Variants in KCNT2 observed in about 807,000 individuals in gnomAD.
KCNT2 encodes potassium sodium-activated channel subfamily T member 2.
In KCNT2, 67 loss-of-function variants were observed where a neutral mutation model predicts 153.8. The observed-to-expected ratio is 0.44, with a 90% CI of 0.36 to 0.53. The LOEUF is 0.53. Among genes scored for constraint, KCNT2 ranks in the 20% least tolerant of loss-of-function variants. KCNT2 has a pLI of 0.00. For missense variants in KCNT2, 975 were observed against 1,354.8 expected, an observed-to-expected ratio of 0.72 and a Z score of 4.40; for synonymous variants, 500 against 458.8, an observed-to-expected ratio of 1.09 and a Z score of -1.15.
intron 14 of KCNT2, among the ~76,000 whole-genome samples, chr1:196,372,793 C>T (rs1183744146): frequency 6.6e-6 from 1 of 151,786 alleles, no homozygotes; most frequent in Non-Finnish European, 1.5e-5. Flanking sequence ...CTGTGAGAAT[C>T]CTTTAATTAA....
chr1:196,512,853 G>A (rs1335044426), intron 1 of KCNT2, among the ~76,000 whole-genome samples: 1 of 152,130 alleles, frequency 6.6e-6, no homozygotes, highest in Admixed American at 6.5e-5. Context: ...TGAAAGTACT[G>A]TGATGTGCAG....
At chr1:196,489,313 C>T (rs556451842) in intron 3 of KCNT2, among the ~76,000 whole-genome samples, 2 of 151,910 alleles carry the variant, frequency 1.3e-5, no homozygotes, top group South Asian at 4.1e-4. Context: ...GGCAAAGATC[C>T]TTGCTGTCAT....
intron 1 of KCNT2, among the ~76,000 whole-genome samples, chr1:196,538,708 G>A (rs1487664490): frequency 1.3e-5 from 2 of 152,140 alleles, no homozygotes; most frequent in South Asian, 2.1e-4. Context: ...AGGCTGCACT[G>A]GAAAGCCACT....
At chr1:196,377,872 A>G (rs753751878) in intron 13 of KCNT2, among the ~76,000 whole-genome samples, 1 of 152,136 alleles carries the variant, frequency 6.6e-6, no homozygotes, top group Non-Finnish European at 1.5e-5. Context: ...ACAAAATCAG[A>G]TTAAAGTGCA....
intron 14 of KCNT2, among the ~76,000 whole-genome samples, chr1:196,371,182 G>C (rs1408663005): frequency 8.0e-6 from 1 of 124,488 alleles, no homozygotes; most frequent in Non-Finnish European, 1.6e-5. Context: ...CCAGGAGTTC[G>C]AGACTAGCCT....
At chr1:196,507,739 T>C (rs1163730356) in intron 1 of KCNT2, among the ~76,000 whole-genome samples, 1 of 152,136 alleles carries the variant, frequency 6.6e-6, no homozygotes, top group Non-Finnish European at 1.5e-5. Flanking sequence ...TAACAGCCCT[T>C]CCTCAAATTA....
intron 12 of KCNT2, among the ~76,000 whole-genome samples, chr1:196,408,326 G>A (rs1672006074): frequency 6.6e-6 from 1 of 151,090 alleles, no homozygotes; most frequent in African/African-American, 2.4e-5. Flanking sequence ...GCCATCTTTG[G>A]TAGATATTTA....
At chr1:196,503,482 C>T (rs1310103294) in intron 1 of KCNT2, among the ~76,000 whole-genome samples, 5 of 152,182 alleles carry the variant, frequency 3.3e-5, no homozygotes, top group African/African-American at 1.2e-4. Context: ...TTCTCCTTTT[C>T]TCTATACATA....
At chr1:196,470,779 T>G (rs1056305693) in intron 5 of KCNT2, among the ~76,000 whole-genome samples, 1 of 152,138 alleles carries the variant, frequency 6.6e-6, no homozygotes. Context: ...CCCATGATAA[T>G]TCCCTGTGCC....
chr1:196,475,199 G>T (rs1678424200), intron 5 of KCNT2, among the ~76,000 whole-genome samples: 1 of 152,026 alleles, frequency 6.6e-6, no homozygotes, highest in South Asian at 2.1e-4. Flanking sequence ...GTTATATATG[G>T]ATTTGCTATT....
intron 25 of KCNT2, among the ~76,000 whole-genome samples, chr1:196,273,826 C>G (rs958205459): frequency 1.3e-5 from 2 of 151,448 alleles, no homozygotes; most frequent in Non-Finnish European, 3.0e-5. Context: ...TAAAAGTAGC[C>G]ATAATCCAGG....
In KCNT2 at chr1:196,470,569, G is replaced by T. The variant is rs550709557; in HGVS notation, c.385-1501C>A. The stretch of plus-strand genomic sequence containing the variant: ...CACTGAGGCCTCCAGGAAATTCAAA[G>T]GCTCCAGATAGGCCACAAAAGCTTT... On this transcript the variant is annotated intron_variant, in intron 5 of 27. Transcript: ENST00000294725. Among the ~76,000 whole-genome samples, 12 of 152,272 alleles carry T rather than the reference G, an allele frequency of 7.9e-5. No homozygotes were observed. In the East Asian group the frequency reaches 2.1e-3, roughly 27 times the overall value.
chr1:196,484,491 T>G (rs910227315), intron 3 of KCNT2, among the ~76,000 whole-genome samples: 5 of 152,126 alleles, frequency 3.3e-5, no homozygotes, highest in African/African-American at 1.2e-4. Flanking sequence ...TTCACTCTGA[T>G]TATAGTTTCT....
Position 196,239,115 on chromosome 1 carries a change from T to C in KCNT2, c.3212-3045A>G, listed in dbSNP as rs79883575. Among the ~76,000 whole-genome samples, 38 of 151,994 alleles carry C rather than the reference T, an allele frequency of 2.5e-4. 1 individual carries two copies. The East Asian group carries it at 6.9e-3, about 28-fold the overall frequency. On this transcript the variant is annotated intron_variant, in intron 26 of 27. Coordinates refer to ENST00000294725, the MANE Select transcript of KCNT2 (RefSeq NM_198503.5). ...AGAATGCCATATTTACTGAATAAAA[T>C]AAATTTTATTTGGTAAATTAGCTTC...
intron 20 of KCNT2, among the ~76,000 whole-genome samples, 162 bp from the exon 21 acceptor site, chr1:196,316,188 A>G (rs1662698698): frequency 6.6e-6 from 1 of 151,790 alleles, no homozygotes; most frequent in Non-Finnish European, 1.5e-5. Context: ...ATGATACAAT[A>G]TTATCTACCA....
chr1:196,334,128 A>G lies in KCNT2; in HGVS notation c.1784-68T>C, dbSNP rs551350027. 2.1e-4 allele frequency: 176 copies of G among 826,650 alleles called. No individual in the cohort carries two copies. The African/African-American group carries it at 2.7e-3, about 13-fold the overall frequency. The allele number at this position is 826,650 out of a possible 1,614,324, so 51.2% of individuals were successfully genotyped here. A position where few individuals can be genotyped will look rare whatever the true frequency, so the allele number is the denominator to read the frequency against. On this transcript the variant is annotated intron_variant, in intron 16 of 27. Coordinates refer to ENST00000294725, the MANE Select transcript of KCNT2 (RefSeq NM_198503.5). The stretch of plus-strand genomic sequence containing the variant: ...ATTGATCACTAGTGTTGAAGGTTAC[A>G]TGAAATATGAAATATAATAAACACA...
chr1:196,599,655 G>C (rs1664490290), intron 1 of KCNT2, among the ~76,000 whole-genome samples: 1 of 152,228 alleles, frequency 6.6e-6, no homozygotes, highest in Non-Finnish European at 1.5e-5. Flanking sequence ...AGGTCAAAGA[G>C]TTGGAGATGT....
intron 1 of KCNT2, among the ~76,000 whole-genome samples, chr1:196,536,547 T>C (rs751535588): frequency 4.3e-4 from 65 of 152,332 alleles, no homozygotes; most frequent in Admixed American, 1.2e-3. Flanking sequence ...TCAGGCCCCA[T>C]GGCCTTATCT....
At chr1:196,511,356 A>C (rs1339956) in intron 1 of KCNT2, among the ~76,000 whole-genome samples, 149,648 of 152,220 alleles carry the variant, frequency 0.98, 73,608 homozygotes, top group Middle Eastern at 1. Context: ...AAAAGCTCCA[A>C]AGAAATTCCC....
Sources: gnomAD v4.1 joint callset for allele counts (sites outside exome capture counted in the v4.1 genomes callset) on GRCh38, gnomAD v4.1.1 for gene constraint, MANE v1.5 for transcripts, NCBI Gene and HGNC (gene_info 2026-07-23, HGNC 2026-07-21) for gene names.